MECOM: variants seen among roughly 807,000 people sequenced by gnomAD.
MECOM encodes the protein histone-lysine N-methyltransferase MECOM.
MECOM carries 13 observed loss-of-function variants against 116.3 expected under a neutral mutation model. That is an observed-to-expected ratio of 0.11 (90% CI 0.07 to 0.18). The LOEUF (loss-of-function observed/expected upper bound fraction) is 0.18. Ranked by LOEUF, MECOM falls within the 10% of genes least tolerant of loss-of-function variation. The pLI is 1.00. For synonymous variants in MECOM, 528 were observed against 535.2 expected, an observed-to-expected ratio of 0.99 and a Z score of 0.19; for missense variants, 1,299 against 1,509.0, an observed-to-expected ratio of 0.86 and a Z score of 2.31.
intron 3 of MECOM, among the ~76,000 whole-genome samples, chr3:169,141,703 T>C (rs575045583): frequency 2.0e-5 from 3 of 152,128 alleles, no homozygotes; most frequent in East Asian, 1.9e-4. Flanking sequence ...TCTTGTCAAT[T>C]GGGCTAAGAG....
At chr3:169,280,404 A>C (rs1190485708) in intron 2 of MECOM, among the ~76,000 whole-genome samples, 1 of 152,200 alleles carries the variant, frequency 6.6e-6, no homozygotes, top group Non-Finnish European at 1.5e-5. Flanking sequence ...CATCTAGTGT[A>C]TTCATTCAAC....
At chr3:169,382,473 A>T (rs1210628474) in intron 1 of MECOM, among the ~76,000 whole-genome samples, 2 of 152,016 alleles carry the variant, frequency 1.3e-5, no homozygotes, top group Admixed American at 6.6e-5. Context: ...ACCGTGGGAG[A>T]CCTTAAGACC....
intron 1 of MECOM, among the ~76,000 whole-genome samples, chr3:169,603,040 A>G (rs560051961): frequency 2.1e-4 from 32 of 152,234 alleles, no homozygotes; most frequent in Non-Finnish European, 3.5e-4. Context: ...AATATCAGTA[A>G]TTAAATACCA....
At chr3:169,259,294 A>G (rs1577494971) in intron 2 of MECOM, among the ~76,000 whole-genome samples, 1 of 152,242 alleles carries the variant, frequency 6.6e-6, no homozygotes, top group South Asian at 2.1e-4. Context: ...ACTTCCTCCT[A>G]CATGTCTGAA....
intron 1 of MECOM, among the ~76,000 whole-genome samples, chr3:169,397,298 G>C (rs189621970): frequency 6.6e-6 from 1 of 152,186 alleles, no homozygotes; most frequent in Non-Finnish European, 1.5e-5. Flanking sequence ...GACGATGCAG[G>C]AAACAGCTTG....
At chr3:169,492,371 A>G (rs1753205393) in intron 1 of MECOM, among the ~76,000 whole-genome samples, 1 of 152,204 alleles carries the variant, frequency 6.6e-6, no homozygotes, top group Admixed American at 6.5e-5. Context: ...TCCTTTGCTC[A>G]ATTCCAAAGC....
chr3:169,196,678 G>T (rs1411797478), intron 2 of MECOM, among the ~76,000 whole-genome samples: 1 of 151,984 alleles, frequency 6.6e-6, no homozygotes, highest in African/African-American at 2.4e-5. Flanking sequence ...TGCTGGCAAG[G>T]TTGCAGAGAA....
chr3:169,473,390 G>A (rs530024770), intron 1 of MECOM, among the ~76,000 whole-genome samples: 45 of 152,292 alleles, frequency 3.0e-4, no homozygotes, highest in African/African-American at 1.0e-3. Context: ...TGTGAAACTT[G>A]AAATTCAGCA....
intron 2 of MECOM, among the ~76,000 whole-genome samples, chr3:169,187,366 A>C (rs1379926640): frequency 1.3e-5 from 2 of 152,168 alleles, no homozygotes; most frequent in Non-Finnish European, 2.9e-5. Flanking sequence ...TTAGCAGAAC[A>C]TTCATCAATG....
intron 9 of MECOM, among the ~76,000 whole-genome samples, chr3:169,108,242 C>T (rs1204697204): frequency 6.6e-6 from 1 of 152,164 alleles, no homozygotes; most frequent in Non-Finnish European, 1.5e-5. Flanking sequence ...TTTTTATTAA[C>T]TACTACTTGC....
In MECOM at chr3:169,475,633, G is replaced by A. The variant is rs567513264; in HGVS notation, c.38-94109C>T. ...TGTCTTAAATCGGGTAGAAAAGAAA[G>A]ACGCAATCATTCCTTAAATGCATAT... On this transcript the variant is annotated intron_variant, in intron 1 of 16. Transcript: ENST00000651503. Among the ~76,000 whole-genome samples the A allele has an allele frequency of 4.0e-5, 6 of 151,604 alleles. No homozygotes were observed. The East Asian group carries it at 1.2e-3, about 29-fold the overall frequency.
At chr3:169,179,175 T>C (rs1467117787) in intron 2 of MECOM, among the ~76,000 whole-genome samples, 1 of 152,194 alleles carries the variant, frequency 6.6e-6, no homozygotes, top group Non-Finnish European at 1.5e-5. Flanking sequence ...TATATATAGC[T>C]ATGTGTCACC....
At chr3:169,432,711 G>A (rs1279162828) in intron 1 of MECOM, among the ~76,000 whole-genome samples, 3 of 152,168 alleles carry the variant, frequency 2.0e-5, no homozygotes, top group Non-Finnish European at 4.4e-5. Context: ...TAAAATGTGT[G>A]CACAGTGAGG....
intron 1 of MECOM, among the ~76,000 whole-genome samples, chr3:169,602,971 A>G (rs952628200): frequency 6.6e-6 from 1 of 152,246 alleles, no homozygotes; most frequent in Non-Finnish European, 1.5e-5. Context: ...TCACTCATAT[A>G]TGCACATAGA....
At position 169,498,864 on chromosome 3, in the gene MECOM, G is replaced by A. The variant is rs575540805; in HGVS notation, c.38-117340C>T. Among the ~76,000 whole-genome samples, 3 of 152,082 alleles carry A rather than the reference G, an allele frequency of 2.0e-5. No homozygotes were observed. In the South Asian group the frequency reaches 6.2e-4, roughly 32 times the overall value. The stretch of plus-strand genomic sequence containing the variant: ...GAGGAAAAGGAGCATTAGCATCAGT[G>A]AAACAAAAGTAGGGCTATAGAAAAA... On this transcript the variant is annotated intron_variant, in intron 1 of 16. Transcript: ENST00000651503.
At chr3:169,186,324 G>A (rs1311624005) in intron 2 of MECOM, among the ~76,000 whole-genome samples, 2 of 138,538 alleles carry the variant, frequency 1.4e-5, no homozygotes, top group Non-Finnish European at 3.1e-5. Context: ...AAGGAAGAAA[G>A]GAAGGAAGGA....
chr3:169,634,115 G>T (rs762529227), intron 1 of MECOM, among the ~76,000 whole-genome samples: 4 of 152,132 alleles, frequency 2.6e-5, no homozygotes, highest in Admixed American at 2.6e-4. Context: ...CATTATCACA[G>T]AAGGAGAGGA....
chr3:169,115,911 A>T lies in MECOM; in HGVS notation c.1961T>A (p.Val654Glu). ...FSPSLEEQTA[V>E]SGAVNDSIKA... Reference sequence around the variant, plus strand: ...TATAGAATCATTCACAGCTCCTGACACCGCAGTCTGCTCCTCTAAAGATGG... The same window carrying T: ...TATAGAATCATTCACAGCTCCTGACTCCGCAGTCTGCTCCTCTAAAGATGG... The change falls in exon 8 of 17, where the codon GTG (valine) becomes GAG (glutamate). Residue 654 changes from valine to glutamate, a missense_variant. Val to Glu is a moderately radical substitution (Grantham distance 121). This residue lies in a region of MECOM where 340 missense variants were observed against 312.6 expected (regional missense o/e 1.09). Coordinates refer to ENST00000651503, the MANE Select transcript of MECOM (RefSeq NM_004991.4). 1 of 1,614,098 alleles carries T rather than the reference A, an allele frequency of 6.2e-7. No homozygotes were observed. The highest frequency in any genetic ancestry group is 8.5e-7 in the Non-Finnish European group (1 of 1,180,040).
intron 2 of MECOM, among the ~76,000 whole-genome samples, chr3:169,360,195 T>C (rs1727976224): frequency 6.7e-6 from 1 of 150,074 alleles, no homozygotes; most frequent in African/African-American, 2.5e-5. Context: ...TCCAGTAGCA[T>C]ATATTTTGGA....
Sources: allele counts gnomAD v4.1 joint callset (sites outside exome capture counted in the v4.1 genomes callset), GRCh38; gene constraint gnomAD v4.1.1; regional missense constraint gnomAD v4.1.1; transcripts MANE v1.5; gene names NCBI Gene and HGNC (gene_info 2026-07-23, HGNC 2026-07-21).